The following ASIC2 variants were observed in gnomAD, a reference collection of about 807,000 sequenced individuals.
The protein encoded by ASIC2 is acid-sensing ion channel 2.
ASIC2 carries 25 observed loss-of-function variants against 57.3 expected under a neutral mutation model. That is an observed-to-expected ratio of 0.44 (90% CI 0.32 to 0.61). ASIC2 has a LOEUF of 0.61. ASIC2 is among the 20% of genes least tolerant of loss of function. The probability of loss-of-function intolerance (pLI) is 0.06; values close to 1 mark genes in which losing one functional copy is unlikely to be tolerated. For missense variants in ASIC2, 641 were observed against 738.1 expected (o/e 0.87, Z 1.52); for synonymous variants, 319 against 307.5 (o/e 1.04, Z -0.39).
At chr17:33,784,803 T>A (rs1408477361) in intron 1 of ASIC2, among the ~76,000 whole-genome samples, 1 of 152,190 alleles carries the variant, frequency 6.6e-6, no homozygotes, top group Non-Finnish European at 1.5e-5. Flanking sequence ...GTCTAGAGAC[T>A]GCCCCAGAAA....
At chr17:33,771,557 T>C (rs1043595548) in intron 1 of ASIC2, among the ~76,000 whole-genome samples, 3 of 152,224 alleles carry the variant, frequency 2.0e-5, no homozygotes, top group African/African-American at 7.2e-5. Flanking sequence ...GTGTTTTTTT[T>C]TTCAAGATGC....
Position 33,192,102 on chromosome 17 carries a change from A to G in ASIC2, c.709-80035T>C, listed in dbSNP as rs1043287133. Among the ~76,000 whole-genome samples the G allele has an allele frequency of 1.1e-4, 16 of 152,306 alleles. No homozygotes were observed. In the East Asian group the frequency reaches 3.1e-3, roughly 29 times the overall value. ...AATATATTATAAGCAGAAGCTATACATGGATTCAAAAGAGTGCTTGGACAT... is the reference window on the plus strand; with the variant it reads ...AATATATTATAAGCAGAAGCTATACGTGGATTCAAAAGAGTGCTTGGACAT... On this transcript the variant is annotated intron_variant, in intron 1 of 9. Transcript: ENST00000225823.
At chr17:33,919,682 T>C (rs1915667885) in intron 1 of ASIC2, among the ~76,000 whole-genome samples, 1 of 152,140 alleles carries the variant, frequency 6.6e-6, no homozygotes, top group Non-Finnish European at 1.5e-5. Flanking sequence ...GGGACCTAAT[T>C]AAACTAAATC....
rs547280159 is a variant in ASIC2, at chr17:33,675,744, G to A, written c.555+480234C>T. Among the ~76,000 whole-genome samples, 25 of 152,144 alleles carry A rather than the reference G, an allele frequency of 1.6e-4. No homozygotes were observed. In the South Asian group the frequency reaches 5.2e-3, roughly 32 times the overall value. ...GTACTACCACACCGGGCTAATTTTTGTATTTTTCGTAGAGACAGGGTTTCA... is the reference window on the plus strand; with the variant it reads ...GTACTACCACACCGGGCTAATTTTTATATTTTTCGTAGAGACAGGGTTTCA... On this transcript the variant is annotated intron_variant, in intron 1 of 9. Coordinates refer to the ASIC2 transcript ENST00000359872.
chr17:33,725,063 G>A (rs1043746382), intron 1 of ASIC2, among the ~76,000 whole-genome samples: 4 of 152,178 alleles, frequency 2.6e-5, no homozygotes, highest in Non-Finnish European at 2.9e-5. Context: ...CTGGATCCTC[G>A]CTCTGCCCTC....
chr17:33,211,647 A>T (rs1907279000), intron 1 of ASIC2, among the ~76,000 whole-genome samples: 7 of 151,960 alleles, frequency 4.6e-5, no homozygotes, highest in Admixed American at 4.6e-4. Flanking sequence ...GCATTATCTC[A>T]GACTCACTTA....
At chr17:33,987,369 C>A (rs916410673) in intron 1 of ASIC2, among the ~76,000 whole-genome samples, 2 of 152,148 alleles carry the variant, frequency 1.3e-5, no homozygotes, top group African/African-American at 4.8e-5. Flanking sequence ...ATATGAGAAC[C>A]CTTTTATGGA....
At position 33,928,858 on chromosome 17, in the gene ASIC2, T is replaced by C. The variant is rs111428336; in HGVS notation, c.555+227120A>G. 1.2e-3 allele frequency among the ~76,000 whole-genome samples: 181 copies of C among 152,170 alleles called. 2 individuals carry two copies. Among genetic ancestry groups the C allele is most frequent in the African/African-American group, 4.2e-3 (173 of 41,514 alleles). On this transcript the variant is annotated intron_variant, in intron 1 of 9. Coordinates refer to the ASIC2 transcript ENST00000359872. ...AATAGAAGTTTGCAGCAAGTAATAGTAGTAGAAGCCTGAAAGTCTGTTAGG... is the reference window on the plus strand; with the variant it reads ...AATAGAAGTTTGCAGCAAGTAATAGCAGTAGAAGCCTGAAAGTCTGTTAGG...
At chr17:33,848,109 G>C (rs1407887295) in intron 1 of ASIC2, among the ~76,000 whole-genome samples, 1 of 152,148 alleles carries the variant, frequency 6.6e-6, no homozygotes, top group Admixed American at 6.5e-5. Context: ...TGAGCTCTTT[G>C]CATTACACGC....
intron 1 of ASIC2, among the ~76,000 whole-genome samples, chr17:33,193,532 T>A (rs1906510322): frequency 6.6e-6 from 1 of 152,138 alleles, no homozygotes; most frequent in African/African-American, 2.4e-5. Flanking sequence ...TCTGCTGGAA[T>A]CTGCACCCAC....
chr17:34,020,193 T>G (rs1907105414), intron 1 of ASIC2, among the ~76,000 whole-genome samples: 1 of 152,144 alleles, frequency 6.6e-6, no homozygotes, highest in Non-Finnish European at 1.5e-5. Flanking sequence ...TTTTTATCAG[T>G]GTATTTTGCC....
chr17:33,917,974 C>T (rs1915624526), intron 1 of ASIC2, among the ~76,000 whole-genome samples: 1 of 152,038 alleles, frequency 6.6e-6, no homozygotes, highest in African/African-American at 2.4e-5. Flanking sequence ...CACACACACA[C>T]ACACACACAC....
chr17:33,509,279 A>G (rs935292484), intron 1 of ASIC2, among the ~76,000 whole-genome samples: 2 of 152,160 alleles, frequency 1.3e-5, no homozygotes, highest in Non-Finnish European at 2.9e-5. Context: ...TAAAGGTTAT[A>G]AGCCAAGGCC....
intron 1 of ASIC2, among the ~76,000 whole-genome samples, chr17:33,782,895 G>A (rs778818094): frequency 5.3e-5 from 8 of 152,156 alleles, no homozygotes; most frequent in African/African-American, 1.7e-4. Context: ...CGTCCCACTT[G>A]TTCTAGCTAC....
intron 1 of ASIC2, among the ~76,000 whole-genome samples, chr17:33,256,667 A>C (rs73281657): frequency 5.3e-5 from 8 of 152,266 alleles, no homozygotes; most frequent in African/African-American, 1.9e-4. Context: ...CCCCATCTCT[A>C]CTAAAAATAC....
intron 1 of ASIC2, chr17:34,155,493 C>T (rs1042191957): frequency 6.0e-6 from 1 of 165,436 alleles, no homozygotes; most frequent in Non-Finnish European, 1.3e-5. Flanking sequence ...CTGGGCCCCA[C>T]ACCCCCTTCT....
chr17:33,108,719 G>A (rs1290430188), intron 2 of ASIC2, among the ~76,000 whole-genome samples: 1 of 152,210 alleles, frequency 6.6e-6, no homozygotes, highest in African/African-American at 2.4e-5. Context: ...AGAAAGGTAC[G>A]ATGGAGGGAG....
chr17:33,354,747 A>G (rs942977899), intron 1 of ASIC2, among the ~76,000 whole-genome samples: 27 of 151,982 alleles, frequency 1.8e-4, no homozygotes, highest in Admixed American at 7.2e-4. Context: ...TTCCACTCCT[A>G]TGGCAGCTCC....
At chr17:33,371,521 C>T (rs910130650) in intron 1 of ASIC2, among the ~76,000 whole-genome samples, 13 of 152,300 alleles carry the variant, frequency 8.5e-5, no homozygotes, top group African/African-American at 2.9e-4. Context: ...TCCTTTCCTC[C>T]TTGAGGCTTG....
Sources: gnomAD v4.1 joint callset for allele counts (sites outside exome capture counted in the v4.1 genomes callset) on GRCh38, gnomAD v4.1.1 for gene constraint, MANE v1.5 for transcripts, NCBI Gene and HGNC (gene_info 2026-07-23, HGNC 2026-07-21) for gene names.